The following EDARADD variants were observed in gnomAD, a reference collection of about 807,000 sequenced individuals.
EDARADD encodes the protein ectodysplasin-A receptor-associated adapter protein.
EDARADD carries 20 observed loss-of-function variants against 25.6 expected under a neutral mutation model. The ratio of observed to expected loss-of-function variants is 0.78; its 90% CI spans 0.55 to 1.14. The LOEUF is 1.14. Among genes scored for constraint, EDARADD ranks in the 50% most tolerant of loss-of-function variants. The probability of loss-of-function intolerance (pLI) is 0.00; values close to 1 mark genes in which losing one functional copy is unlikely to be tolerated. For missense variants in EDARADD, 225 were observed against 270.1 expected (o/e 0.83, Z 1.17); for synonymous variants, 86 against 94.4 (o/e 0.91, Z 0.52).
chr1:236,393,571 A>G (rs1414936715), upstream of EDARADD, among the ~76,000 whole-genome samples: 1 of 150,984 alleles, frequency 6.6e-6, no homozygotes, highest in Non-Finnish European at 1.5e-5. Flanking sequence ...AGTTTTTTGT[A>G]TTTTTAGTAG....
chr1:236,411,494 T>C (rs1380960525), intron 2 of EDARADD, among the ~76,000 whole-genome samples: 1 of 150,912 alleles, frequency 6.6e-6, no homozygotes, highest in Non-Finnish European at 1.5e-5. Context: ...TCTCGTCTCT[T>C]CTTCTCCTTC....
intron 1 of EDARADD, among the ~76,000 whole-genome samples, chr1:236,402,230 G>A (rs1481657135): frequency 6.6e-6 from 1 of 152,050 alleles, no homozygotes; most frequent in African/African-American, 2.4e-5. Flanking sequence ...CCAAAATACT[G>A]GGATTACAGA....
At chr1:236,480,301 A>T (rs561672401) in intron 5 of EDARADD, among the ~76,000 whole-genome samples, 92 of 151,838 alleles carry the variant, frequency 6.1e-4, no homozygotes, top group Non-Finnish European at 9.7e-4. Context: ...ACAATCATTT[A>T]TTTCACTAGT....
intron 5 of EDARADD, among the ~76,000 whole-genome samples, chr1:236,474,077 T>G (rs1368068586): frequency 6.6e-6 from 1 of 152,034 alleles, no homozygotes; most frequent in Non-Finnish European, 1.5e-5. Context: ...TCCTAGAGGT[T>G]CAATGCCCTG....
At chr1:236,394,576 A>G (rs367787237) in intron 1 of EDARADD, 71 bp downstream of exon 1, 68 of 1,421,340 alleles carry the variant, frequency 4.8e-5, no homozygotes, top group Middle Eastern at 3.6e-4. Flanking sequence ...CTTATTTACG[A>G]TAATTCTTGG....
At chr1:236,359,613 G>A (rs952491620) in intron 3 of EDARADD, among the ~76,000 whole-genome samples, 1 of 152,230 alleles carries the variant, frequency 6.6e-6, no homozygotes, top group African/African-American at 2.4e-5. Context: ...CCCAGTGGCT[G>A]GGGAAGCCTC....
At chr1:236,452,415 C>T (rs543795876) in intron 4 of EDARADD, among the ~76,000 whole-genome samples, 8 of 152,158 alleles carry the variant, frequency 5.3e-5, no homozygotes, top group South Asian at 4.1e-4. Context: ...GATTGGATCA[C>T]GGGGGTGGTT....
At chr1:236,363,460 T>G (rs1667078395) in intron 3 of EDARADD, among the ~76,000 whole-genome samples, 1 of 151,344 alleles carries the variant, frequency 6.6e-6, no homozygotes, top group Non-Finnish European at 1.5e-5. Context: ...TTCATGCCTG[T>G]AATCCCAGCA....
chr1:236,379,786 A>C lies in EDARADD; in HGVS notation c.-6+28947A>C, dbSNP rs1667277333. Reference sequence around the variant, plus strand: ...CAGAGTGAGACTCCATCTCAAAAAAACAATAAGTAAAATTAAAAAATTAAA... The same window carrying C: ...CAGAGTGAGACTCCATCTCAAAAAACCAATAAGTAAAATTAAAAAATTAAA... On this transcript the variant is annotated intron_variant, in intron 3 of 7. Coordinates refer to the EDARADD transcript ENST00000439430. Among the ~76,000 whole-genome samples the C allele has an allele frequency of 2.0e-5, 3 of 152,342 alleles. No homozygotes were observed. The South Asian group carries it at 6.2e-4, about 32-fold the overall frequency.
intron 4 of EDARADD, among the ~76,000 whole-genome samples, chr1:236,455,797 TC>T (rs869096517): frequency 2.2e-5 from 2 of 92,458 alleles, no homozygotes. Context: ...AATCGCCTGT[TC>T]TTTTTTTTTG....
chr1:236,350,380 C>G (rs948368534), intron 2 of EDARADD, among the ~76,000 whole-genome samples: 5 of 152,136 alleles, frequency 3.3e-5, no homozygotes, highest in African/African-American at 1.2e-4. Context: ...AAGATTAAAA[C>G]AAAAAATCAG....
rs541733824 is a variant in EDARADD at position 236,451,425 on chromosome 1, C to CT, written c.220-16796dup. The stretch of plus-strand genomic sequence containing the variant: ...ATCCAGTTCAAAGCTTCCTTCCTTT[C>CT]TTTTTTTTTTCTTTGGAAACAGAGT... On this transcript the variant is annotated intron_variant, in intron 4 of 5. Coordinates refer to ENST00000334232, the MANE Select transcript of EDARADD (RefSeq NM_145861.4). Among the ~76,000 whole-genome samples the CT allele has an allele frequency of 9.1e-3, 1,363 of 150,152 alleles. 13 individuals are homozygous for CT. Among genetic ancestry groups the CT allele is most frequent in the Middle Eastern group, 0.017 (5 of 290 alleles).
chr1:236,446,376 C>A (rs1393201059), intron 4 of EDARADD, among the ~76,000 whole-genome samples: 1 of 151,970 alleles, frequency 6.6e-6, no homozygotes, highest in African/African-American at 2.4e-5. Flanking sequence ...ATGGTGAAAC[C>A]CCGTCTCTAC....
At chr1:236,370,959 G>T (rs1487635901) in intron 3 of EDARADD, among the ~76,000 whole-genome samples, 2 of 152,222 alleles carry the variant, frequency 1.3e-5, no homozygotes, top group Non-Finnish European at 2.9e-5. Flanking sequence ...AAGAAGGACA[G>T]CTTGGAGGTT....
At chr1:236,434,577 G>A (rs1658192546) in intron 4 of EDARADD, among the ~76,000 whole-genome samples, 1 of 152,064 alleles carries the variant, frequency 6.6e-6, no homozygotes, top group African/African-American at 2.4e-5. Flanking sequence ...GCTATCATCA[G>A]CATTAGTATA....
chr1:236,442,439 C>T (rs1042813165), intron 4 of EDARADD, among the ~76,000 whole-genome samples: 2 of 152,164 alleles, frequency 1.3e-5, no homozygotes, highest in African/African-American at 4.8e-5. Context: ...AGCCACCAAG[C>T]CTGGCCATCT....
chr1:236,469,681 G>A (rs1192653762), intron 5 of EDARADD, among the ~76,000 whole-genome samples: 3 of 152,014 alleles, frequency 2.0e-5, no homozygotes, highest in South Asian at 2.1e-4. Context: ...GGTGCAGTGC[G>A]TACTCAACTT....
At chr1:236,399,480 C>T (rs901963436) in intron 1 of EDARADD, among the ~76,000 whole-genome samples, 1 of 152,176 alleles carries the variant, frequency 6.6e-6, no homozygotes, top group Admixed American at 6.5e-5. Flanking sequence ...AGCCACCACG[C>T]CCTGGCCACA....
chr1:236,409,660 C>T (rs1396674389), intron 2 of EDARADD, among the ~76,000 whole-genome samples: 1 of 151,966 alleles, frequency 6.6e-6, no homozygotes, highest in Non-Finnish European at 1.5e-5. Context: ...CTCCCAGGTT[C>T]AAGCGATTCT....
Sources: gnomAD v4.1 joint callset for allele counts (sites outside exome capture counted in the v4.1 genomes callset) on GRCh38, gnomAD v4.1.1 for gene constraint, MANE v1.5 for transcripts, NCBI Gene and HGNC (gene_info 2026-07-23, HGNC 2026-07-21) for gene names.